The following TTC13 variants were observed in gnomAD, a reference collection of about 807,000 sequenced individuals.
TTC13 encodes tetratricopeptide repeat domain 13.
TTC13 carries 62 observed loss-of-function variants against 120.0 expected under a neutral mutation model. That is an observed-to-expected ratio of 0.52 (90% CI 0.42 to 0.64). TTC13 has a LOEUF of 0.64. Among genes scored for constraint, TTC13 ranks in the 30% least tolerant of loss-of-function variants. The pLI, the probability that TTC13 is intolerant of heterozygous loss-of-function variation, is 0.00. For synonymous variants in TTC13, 384 were observed against 393.5 expected, an observed-to-expected ratio of 0.98 and a Z score of 0.28; for missense variants, 824 against 1,050.2, an observed-to-expected ratio of 0.78 and a Z score of 2.98.
Position 230,942,131 on chromosome 1 carries a change from GT to G in TTC13, c.673-1576del, listed in dbSNP as rs928675319. On this transcript the variant is annotated intron_variant, in intron 6 of 22. Coordinates refer to ENST00000366661, the MANE Select transcript of TTC13 (RefSeq NM_024525.5). The surrounding 1 kb of genome is among the most constrained non-coding windows in gnomAD (Gnocchi z 4.0). ...CCAATGCCATTTTTGATAAACAGTAGTTTTTTATTAGATATGCAAATTGTAA... is the reference window on the plus strand; with the variant it reads ...CCAATGCCATTTTTGATAAACAGTAGTTTTTATTAGATATGCAAATTGTAA... 3.3e-5 allele frequency among the ~76,000 whole-genome samples: 5 copies of G among 152,088 alleles called. No homozygotes were observed. The highest frequency in any genetic ancestry group is 2.1e-4 in the South Asian group (1 of 4,834).
In TTC13 at chr1:230,978,214, G is replaced by C. The variant is rs1038969420; in HGVS notation, c.271+346C>G. Among the ~76,000 whole-genome samples the C allele has an allele frequency of 6.6e-6, 1 of 152,112 alleles. No individual in the cohort carries two copies. Among genetic ancestry groups the C allele is most frequent in the South Asian group, 2.1e-4 (1 of 4,824 alleles). ...CTCGCCCCTTCGGCATCCTCGGGAG[G>C]CCGGCGGCGGGAACAGGGCTGCCCC... On this transcript the variant is annotated intron_variant, in intron 1 of 22. Coordinates refer to ENST00000366661, the MANE Select transcript of TTC13 (RefSeq NM_024525.5). This position sits in a 1 kb window ranked among gnomAD's most constrained non-coding sequence, Gnocchi z 5.6.
Position 230,944,332 on chromosome 1 carries a change from C to T in TTC13, c.580-434G>A, listed in dbSNP as rs1050436509. Among the ~76,000 whole-genome samples, 1 of 152,172 alleles carries T rather than the reference C, an allele frequency of 6.6e-6. No individual in the cohort carries two copies. Among genetic ancestry groups the T allele is most frequent in the Non-Finnish European group, 1.5e-5 (1 of 68,018 alleles). ...ATCTATACCTTAAGAAGTTTAGGTA[C>T]ATTCTCTTTAACATTTGCACATTAT... On this transcript the variant is annotated intron_variant, in intron 5 of 22. Transcript: ENST00000366661. The surrounding 1 kb of genome is among the most constrained non-coding windows in gnomAD (Gnocchi z 4.0).
At chr1:230,970,705 T>A (rs1316004882) in intron 1 of TTC13, among the ~76,000 whole-genome samples, 3 of 152,080 alleles carry the variant, frequency 2.0e-5, no homozygotes, top group Non-Finnish European at 2.9e-5. Flanking sequence ...TTCTCACACA[T>A]CCATGTGTGT....
Position 230,921,310 on chromosome 1 carries a change from T to C in TTC13, c.1898+111A>G, listed in dbSNP as rs1672551883. 6.5e-6 allele frequency: 4 copies of C among 618,212 alleles called. No individual in the cohort carries two copies. In the Admixed American group the frequency reaches 9.9e-5, roughly 15 times the overall value. 38.3% of individuals were successfully genotyped at this position (618,212 alleles called of 1,614,324 possible). A position where few individuals can be genotyped will look rare whatever the true frequency, so the allele number is the denominator to read the frequency against. ...TTCTAAACACTGTGTAAAAATTTGA[T>C]AGACCTTGTTTAGCCCGTCAACAGG... is the stretch of plus-strand genomic sequence containing the variant. On this transcript the variant is annotated intron_variant, in intron 16 of 22. Coordinates refer to ENST00000366661, the MANE Select transcript of TTC13 (RefSeq NM_024525.5).
intron 1 of TTC13, among the ~76,000 whole-genome samples, chr1:230,976,286 G>A (rs1678299242): frequency 6.6e-6 from 1 of 152,156 alleles, no homozygotes; most frequent in Non-Finnish European, 1.5e-5. Context: ...TCCGGATACA[G>A]AGCATCAGCT....
chr1:230,952,457 C>A (rs1190951637), intron 4 of TTC13, among the ~76,000 whole-genome samples: 1 of 152,202 alleles, frequency 6.6e-6, no homozygotes, highest in Non-Finnish European at 1.5e-5. Context: ...CTGCCTTCAT[C>A]CCTGCCCCAT....
intron 4 of TTC13, among the ~76,000 whole-genome samples, chr1:230,946,538 A>G (rs1048456911): frequency 6.6e-6 from 1 of 152,244 alleles, no homozygotes; most frequent in Admixed American, 6.5e-5. Flanking sequence ...CACAACCCAG[A>G]CAGCAGATTG....
intron 12 of TTC13, 134 bp downstream of exon 12, chr1:230,928,803 G>A (rs886375480): frequency 1.3e-6 from 1 of 799,522 alleles, no homozygotes; most frequent in Non-Finnish European, 2.0e-6. Flanking sequence ...AGGATAGTAT[G>A]CTTGATTGAA....
intron 4 of TTC13, among the ~76,000 whole-genome samples, chr1:230,951,106 A>C (rs1283533303): frequency 1.3e-5 from 2 of 152,212 alleles, no homozygotes; most frequent in African/African-American, 4.8e-5. Context: ...AAACACTTTG[A>C]AACACCGAGG....
intron 8 of TTC13, among the ~76,000 whole-genome samples, chr1:230,934,148 C>T (rs1673823042): frequency 6.6e-6 from 1 of 152,174 alleles, no homozygotes; most frequent in African/African-American, 2.4e-5. Flanking sequence ...TTCATTAAAA[C>T]TTTGAATACT....
chr1:230,918,611 G>C (rs1672269034), intron 17 of TTC13, among the ~76,000 whole-genome samples: 1 of 152,192 alleles, frequency 6.6e-6, no homozygotes, highest in Admixed American at 6.5e-5. Flanking sequence ...CAGTGGGTTT[G>C]AGAAGGTTGA....
chr1:230,967,227 G>A (rs1012185580), intron 1 of TTC13, among the ~76,000 whole-genome samples: 6 of 151,322 alleles, frequency 4.0e-5, no homozygotes, highest in African/African-American at 1.5e-4. Context: ...TGATTAACAG[G>A]CACCCCTGCT....
In TTC13 at chr1:230,978,752, G is replaced by A. The variant is rs1199027309; in HGVS notation, c.79C>T (p.Leu27=). The A allele has an allele frequency of 6.0e-6, 9 of 1,499,860 alleles. No individual in the cohort carries two copies. The highest frequency in any genetic ancestry group is 7.9e-6 in the Non-Finnish European group (9 of 1,133,070). 92.9% of individuals were successfully genotyped at this position (1,499,860 alleles called of 1,614,324 possible). Residue 27 remains leucine, a synonymous_variant, in exon 1 of 23, where the codon CTG becomes TTG. Coordinates refer to ENST00000366661, the MANE Select transcript of TTC13 (RefSeq NM_024525.5). This position sits in a 1 kb window ranked among gnomAD's most constrained non-coding sequence, Gnocchi z 5.6. Reference sequence around the variant, plus strand: ...AGGACCCCCAGCAGCAGCAGCAGCAGGACACGCCGGGCGGCGCCCGCGGCG... The same window carrying A: ...AGGACCCCCAGCAGCAGCAGCAGCAAGACACGCCGGGCGGCGCCCGCGGCG... The part of the protein sequence containing the change: ...VAAAGAARRV[L]LLLLLGVLSA...
intron 1 of TTC13, among the ~76,000 whole-genome samples, chr1:230,973,384 A>T (rs1677957069): frequency 6.6e-6 from 1 of 152,262 alleles, no homozygotes; most frequent in African/African-American, 2.4e-5. Flanking sequence ...AGCTAGGTTC[A>T]TAGCTACTTC....
chr1:230,962,989 G>A (rs181065817), intron 1 of TTC13, among the ~76,000 whole-genome samples: 47 of 152,260 alleles, frequency 3.1e-4, no homozygotes, highest in African/African-American at 1.0e-3. Flanking sequence ...TTGGAGTGTT[G>A]AAAACAACTT....
At chr1:230,958,129 GTC>G in intron 3 of TTC13, 93 bp downstream of exon 3, 1 of 1,267,816 alleles carries the variant, frequency 7.9e-7, no homozygotes, top group Non-Finnish European at 1.1e-6. Flanking sequence ...GGCAAAGCCA[GTC>G]TCTCTACTCC....
intron 1 of TTC13, among the ~76,000 whole-genome samples, chr1:230,973,841 G>A (rs569113161): frequency 8.5e-5 from 13 of 152,250 alleles, no homozygotes; most frequent in East Asian, 3.9e-4. Context: ...ACTTTGGGAC[G>A]CTGAGGTGGG....
chr1:230,909,046 A>G lies in TTC13; in HGVS notation c.2310-26T>C, dbSNP rs774876615. ...CTATTTAAATAAAGAACAAAGGTCAATCCATCCTGGACGGTCTACAGTTAC... is the reference window on the plus strand; with the variant it reads ...CTATTTAAATAAAGAACAAAGGTCAGTCCATCCTGGACGGTCTACAGTTAC... On this transcript the variant is annotated intron_variant, in intron 20 of 22. Coordinates refer to ENST00000366661, the MANE Select transcript of TTC13 (RefSeq NM_024525.5). 2.5e-6 allele frequency: 4 copies of G among 1,601,218 alleles called. No individual in the cohort carries two copies. The Admixed American group carries it at 5.0e-5, about 20-fold the overall frequency.
At chr1:230,924,482 A>G (rs879302475) in intron 14 of TTC13, among the ~76,000 whole-genome samples, 2 of 152,106 alleles carry the variant, frequency 1.3e-5, no homozygotes, top group East Asian at 1.9e-4. Flanking sequence ...ACAGGCGCGC[A>G]CCACCACGCC....
Sources: gnomAD v4.1 joint callset for allele counts (sites outside exome capture counted in the v4.1 genomes callset) on GRCh38, gnomAD v4.1.1 for gene constraint, Gnocchi (gnomAD v3.1) non-coding constraint, MANE v1.5 for transcripts, NCBI Gene and HGNC (gene_info 2026-07-23, HGNC 2026-07-21) for gene names.